The following VCF1 variants were observed in gnomAD, a reference collection of about 807,000 sequenced individuals.
The protein encoded by VCF1 is protein VCF1.
chr17:73,223,438 T>A, the VCF1 span, among the ~76,000 whole-genome samples: 1 of 152,222 alleles, frequency 6.6e-6, no homozygotes, highest in Non-Finnish European at 1.5e-5. Flanking sequence ...TTCACATTAT[T>A]TAGCTTTATA....
chr17:73,212,258 A>AAT, the VCF1 span, among the ~76,000 whole-genome samples: 2 of 152,208 alleles, frequency 1.3e-5, no homozygotes, highest in African/African-American at 4.8e-5. Flanking sequence ...AATTACATCC[A>AAT]ATAATATGCA....
At chr17:73,229,435 A>G in the VCF1 span, 1 of 985,452 alleles carries the variant, frequency 1.0e-6, no homozygotes, top group Non-Finnish European at 1.2e-6. Flanking sequence ...AACTGATTAT[A>G]TTCTTCCCTA....
the VCF1 span, among the ~76,000 whole-genome samples, chr17:73,224,826 A>ACAGCG: frequency 4.1e-3 from 530 of 130,292 alleles, 5 homozygotes; most frequent in Admixed American, 0.01. Context: ...ACAGCGCAGC[A>ACAGCG]CAGCACAGCA....
At chr17:73,223,873 C>T in the VCF1 span, among the ~76,000 whole-genome samples, 1 of 151,770 alleles carries the variant, frequency 6.6e-6, no homozygotes, top group African/African-American at 2.4e-5. Context: ...CCCAGCACCT[C>T]AGGAGGCTGA....
chr17:73,222,105 G>T, the VCF1 span, among the ~76,000 whole-genome samples: 2 of 150,586 alleles, frequency 1.3e-5, no homozygotes, highest in Non-Finnish European at 3.0e-5. Context: ...GGCTGAGCAG[G>T]GAGGAGTGCT....
chr17:73,212,807 A>G, the VCF1 span: 1 of 1,199,560 alleles, frequency 8.3e-7, no homozygotes. Flanking sequence ...AATTATATCT[A>G]TTTCGTACTA....
the VCF1 span, among the ~76,000 whole-genome samples, chr17:73,213,136 TGGGAGGCTGAG>T: frequency 6.6e-6 from 1 of 151,572 alleles, no homozygotes. Context: ...CCCAGCTGCT[TGGGAGGCTGAG>T]GCAGGAGAAT....
chr17:73,212,791 A>T, the VCF1 span: 1 of 1,342,570 alleles, frequency 7.4e-7, no homozygotes, highest in Non-Finnish European at 1.0e-6. Context: ...TCAAGTTTTC[A>T]TCTCAAATTA....
the VCF1 span, among the ~76,000 whole-genome samples, chr17:73,223,251 AG>A: frequency 6.6e-6 from 1 of 152,292 alleles, no homozygotes; most frequent in Admixed American, 6.5e-5. Context: ...CAGGAGGCAG[AG>A]GTTATGGCAA....
At chr17:73,208,684 T>G in the VCF1 span, 2 of 568,498 alleles carry the variant, frequency 3.5e-6, no homozygotes, top group South Asian at 3.9e-5. Context: ...TTATCAGCGT[T>G]CAACAACACC....
At chr17:73,223,923 G>A in the VCF1 span, among the ~76,000 whole-genome samples, 1 of 151,782 alleles carries the variant, frequency 6.6e-6, no homozygotes, top group Non-Finnish European at 1.5e-5. Context: ...TGAGGCTACA[G>A]TGAACCATGA....
the VCF1 span, chr17:73,207,686 A>C: frequency 7.7e-7 from 1 of 1,293,718 alleles, no homozygotes; most frequent in Non-Finnish European, 1.0e-6. Context: ...TCTTGTTAAT[A>C]CACGTTTCAT....
At chr17:73,214,966 T>G in the VCF1 span, among the ~76,000 whole-genome samples, 1 of 152,250 alleles carries the variant, frequency 6.6e-6, no homozygotes, top group Non-Finnish European at 1.5e-5. Context: ...ATTGTCCATT[T>G]AGGCTTAGTG....
At chr17:73,232,060 T>C in the VCF1 span, 4 of 1,571,188 alleles carry the variant, frequency 2.5e-6, no homozygotes, top group Non-Finnish European at 3.5e-6. Flanking sequence ...AGGCGACGAA[T>C]GGAAAGGGGG....
chr17:73,224,918 AG>A, the VCF1 span, among the ~76,000 whole-genome samples: 1 of 150,492 alleles, frequency 6.6e-6, no homozygotes, highest in African/African-American at 2.4e-5. Context: ...AGGACAGGAC[AG>A]GACAGGACAG....
the VCF1 span, among the ~76,000 whole-genome samples, chr17:73,220,935 G>A: frequency 7.8e-6 from 1 of 127,578 alleles, no homozygotes; most frequent in African/African-American, 3.4e-5. Flanking sequence ...GTCTCGCTCT[G>A]TCGCCCAGTC....
chr17:73,223,684 A>G, the VCF1 span, among the ~76,000 whole-genome samples: 25 of 152,172 alleles, frequency 1.6e-4, no homozygotes, highest in Non-Finnish European at 3.5e-4. Flanking sequence ...GTTATAAGAA[A>G]AAGAATTCTT....
chr17:73,217,832 C>T, the VCF1 span, among the ~76,000 whole-genome samples: 1 of 151,774 alleles, frequency 6.6e-6, no homozygotes, highest in African/African-American at 2.4e-5. Flanking sequence ...GTTAGCCGGG[C>T]GTGGAGGCGT....
chr17:73,217,400 C>T, the VCF1 span, among the ~76,000 whole-genome samples: 1 of 149,680 alleles, frequency 6.7e-6, no homozygotes, highest in East Asian at 2.0e-4. Context: ...TGCCTGTAAT[C>T]CCAGGACTTT....
Sources: gnomAD v4.1 joint callset for allele counts (sites outside exome capture counted in the v4.1 genomes callset) on GRCh38, gnomAD v4.1.1 for gene constraint, MANE v1.5 for transcripts, NCBI Gene and HGNC (gene_info 2026-07-23, HGNC 2026-07-21) for gene names.